SORCS1: variants seen among roughly 807,000 people sequenced by gnomAD.
The protein encoded by SORCS1 is VPS10 domain-containing receptor SorCS1.
A neutral mutation model predicts 146.1 loss-of-function variants in SORCS1; 60 were observed. The ratio of observed to expected loss-of-function variants is 0.41; its 90% CI spans 0.33 to 0.51. The LOEUF is 0.51. Among genes scored for constraint, SORCS1 ranks in the 20% least tolerant of loss-of-function variants. SORCS1 has a pLI of 0.21. For missense variants in SORCS1, 1,352 were observed against 1,487.6 expected, an observed-to-expected ratio of 0.91 and a Z score of 1.50; for synonymous variants, 637 against 584.0, an observed-to-expected ratio of 1.09 and a Z score of -1.31.
intron 22 of SORCS1, among the ~76,000 whole-genome samples, chr10:106,609,232 C>T (rs1025719143): frequency 2.6e-5 from 4 of 152,188 alleles, no homozygotes; most frequent in African/African-American, 9.7e-5. Context: ...CCTATTACAG[C>T]AAACCCCACA....
At chr10:106,972,199 T>C (rs1194848456) in intron 1 of SORCS1, among the ~76,000 whole-genome samples, 1 of 151,934 alleles carries the variant, frequency 6.6e-6, no homozygotes, top group African/African-American at 2.4e-5. Context: ...CTGACCAATA[T>C]GGTGAAACCC....
chr10:106,660,824 T>C (rs551850586), intron 17 of SORCS1, among the ~76,000 whole-genome samples: 1 of 152,150 alleles, frequency 6.6e-6, no homozygotes, highest in East Asian at 1.9e-4. Context: ...TCTTTGTACC[T>C]TCTTCCATGA....
intron 6 of SORCS1, among the ~76,000 whole-genome samples, chr10:106,717,732 G>A (rs11812439): frequency 0.014 from 2,087 of 152,226 alleles, 49 homozygotes; most frequent in African/African-American, 0.048. Flanking sequence ...GCCAAAAACC[G>A]CAATTACCTT....
At chr10:106,604,435 A>T (rs907480829) in intron 23 of SORCS1, among the ~76,000 whole-genome samples, 3 of 152,156 alleles carry the variant, frequency 2.0e-5, no homozygotes, top group Non-Finnish European at 4.4e-5. Flanking sequence ...TTTTTCCATC[A>T]GGGTAATAAT....
chr10:106,711,034 T>A (rs938216342), intron 6 of SORCS1, among the ~76,000 whole-genome samples: 1 of 152,214 alleles, frequency 6.6e-6, no homozygotes, highest in Admixed American at 6.5e-5. Flanking sequence ...AATTACCTTG[T>A]TATTTCTTTC....
chr10:106,735,465 T>C (rs1469905547), intron 5 of SORCS1, among the ~76,000 whole-genome samples: 1 of 152,182 alleles, frequency 6.6e-6, no homozygotes, highest in Non-Finnish European at 1.5e-5. Context: ...GAATGACCTT[T>C]CACCTGCAGA....
At chr10:106,924,274 C>T (rs1952872640) in intron 2 of SORCS1, among the ~76,000 whole-genome samples, 1 of 145,638 alleles carries the variant, frequency 6.9e-6, no homozygotes, top group South Asian at 2.2e-4. Context: ...AAAAAAACTA[C>T]CTTTTAATTA....
intron 18 of SORCS1, among the ~76,000 whole-genome samples, chr10:106,648,002 G>A (rs1352738626): frequency 3.4e-4 from 51 of 151,898 alleles, no homozygotes; most frequent in Non-Finnish European, 5.9e-5. Flanking sequence ...CAAGTAGCTG[G>A]GACCACAGAC....
intron 1 of SORCS1, among the ~76,000 whole-genome samples, chr10:106,980,687 T>C (rs1956215294): frequency 6.6e-6 from 1 of 152,250 alleles, no homozygotes; most frequent in African/African-American, 2.4e-5. Flanking sequence ...GCTCCTGTTA[T>C]ACATATTTCC....
chr10:107,053,522 AT>A (rs928493119), intron 1 of SORCS1, among the ~76,000 whole-genome samples: 1 of 152,116 alleles, frequency 6.6e-6, no homozygotes. Flanking sequence ...TTCAATTAGA[AT>A]TTTTAGTCAA....
rs544795521 is a variant in SORCS1, at chr10:106,956,384, G to A, written c.626+129C>T. The stretch of plus-strand genomic sequence containing the variant: ...CCAGCGCATCACTAAAGGAAACAGA[G>A]AAGAAAGAGAGAAAGCAAGCAGTGC... On this transcript the variant is annotated intron_variant, in intron 2 of 25. Transcript: ENST00000263054. 2.9e-4 allele frequency: 225 copies of A among 764,204 alleles called. No individual in the cohort carries two copies. The African/African-American group carries it at 3.6e-3, about 12-fold the overall frequency. The allele number at this position is 764,204 out of a possible 1,614,324, so 47.3% of individuals were successfully genotyped here.
At chr10:106,589,966 G>A (rs1845502304) in intron 24 of SORCS1, among the ~76,000 whole-genome samples, 1 of 151,972 alleles carries the variant, frequency 6.6e-6, no homozygotes, top group Non-Finnish European at 1.5e-5. Flanking sequence ...AGCGCACAAT[G>A]GATGATGGAC....
Position 106,622,182 on chromosome 10 carries a change from C to A in SORCS1, c.2663-1621G>T, listed in dbSNP as rs568370098. 2.0e-5 allele frequency among the ~76,000 whole-genome samples: 3 copies of A among 149,526 alleles called. No individual in the cohort carries two copies. In the East Asian group the frequency reaches 6.0e-4, roughly 30 times the overall value. ...GCATGCACCTGTAGTCCCAGCTACT[C>A]AGGAGGCTGAGGCAGGAGAATTGCT... On this transcript the variant is annotated intron_variant, in intron 19 of 25. Coordinates refer to ENST00000263054, the MANE Select transcript of SORCS1 (RefSeq NM_052918.5).
intron 3 of SORCS1, among the ~76,000 whole-genome samples, chr10:106,782,420 T>C (rs775810676): frequency 6.6e-6 from 1 of 152,148 alleles, no homozygotes; most frequent in Non-Finnish European, 1.5e-5. Flanking sequence ...CATGTAAGGC[T>C]GGGAAGAAAC....
intron 5 of SORCS1, among the ~76,000 whole-genome samples, chr10:106,755,157 C>A (rs766125116): frequency 5.9e-5 from 9 of 152,212 alleles, no homozygotes; most frequent in Non-Finnish European, 1.0e-4. Context: ...CACTGATCGT[C>A]CACCACCATG....
intron 1 of SORCS1, among the ~76,000 whole-genome samples, chr10:106,969,550 A>AT (rs1955666067): frequency 3.9e-5 from 6 of 152,192 alleles, no homozygotes; most frequent in South Asian, 2.1e-4. Flanking sequence ...TTTTGTGGGG[A>AT]TGAAAGTTAT....
intron 2 of SORCS1, among the ~76,000 whole-genome samples, chr10:106,869,758 A>G (rs1012121643): frequency 2.6e-5 from 4 of 152,154 alleles, no homozygotes; most frequent in African/African-American, 9.7e-5. Context: ...AACAGCTGAA[A>G]ACATTCCCCT....
chr10:106,680,527 T>C (rs1293102168), intron 10 of SORCS1, among the ~76,000 whole-genome samples: 1 of 152,212 alleles, frequency 6.6e-6, no homozygotes, highest in African/African-American at 2.4e-5. Context: ...GTCACACTTG[T>C]AGACAAAATG....
At chr10:107,142,230 G>A (rs1967904536) in intron 1 of SORCS1, among the ~76,000 whole-genome samples, 1 of 152,160 alleles carries the variant, frequency 6.6e-6, no homozygotes, top group Admixed American at 6.5e-5. Context: ...ATATTAAAAT[G>A]TGTGCCCAGG....
Sources: allele counts gnomAD v4.1 joint callset (sites outside exome capture counted in the v4.1 genomes callset), GRCh38; gene constraint gnomAD v4.1.1; transcripts MANE v1.5; gene names NCBI Gene and HGNC (gene_info 2026-07-23, HGNC 2026-07-21).